The following ST3GAL6 variants were observed in gnomAD, a reference collection of about 807,000 sequenced individuals.
ST3GAL6 encodes the protein ST3 beta-galactoside alpha-2,3-sialyltransferase 6.
In ST3GAL6, 31 loss-of-function variants were observed where a neutral mutation model predicts 40.5. The ratio of observed to expected loss-of-function variants is 0.77; its 90% CI spans 0.58 to 1.03. The LOEUF is 1.03. Among genes scored for constraint, ST3GAL6 ranks in the 50% least tolerant of loss-of-function variants. The pLI is 0.00. For synonymous variants in ST3GAL6, 129 were observed against 136.9 expected, an observed-to-expected ratio of 0.94 and a Z score of 0.40; for missense variants, 357 against 393.2, an observed-to-expected ratio of 0.91 and a Z score of 0.78.
intron 1 of ST3GAL6, among the ~76,000 whole-genome samples, chr3:98,743,904 C>T (rs1285753398): frequency 6.7e-6 from 1 of 148,630 alleles, no homozygotes. Flanking sequence ...GCCCCCCTCC[C>T]CCCCCCGCTC....
chr3:98,741,051 A>AGT (rs35649214), intron 1 of ST3GAL6, among the ~76,000 whole-genome samples: 33,836 of 144,872 alleles, frequency 0.23, 4,343 homozygotes, highest in Non-Finnish European at 0.3. Context: ...AGAGGGATTC[A>AGT]GTGTGTGTGT....
At chr3:98,735,295 TC>T (rs1935439324) in intron 1 of ST3GAL6, among the ~76,000 whole-genome samples, 1 of 152,334 alleles carries the variant, frequency 6.6e-6, no homozygotes, top group East Asian at 1.9e-4. Context: ...CACAAATTCT[TC>T]CATTTCCTGT....
At chr3:98,790,054 T>G (rs1464291855) in intron 8 of ST3GAL6, among the ~76,000 whole-genome samples, 1 of 152,218 alleles carries the variant, frequency 6.6e-6, no homozygotes, top group African/African-American at 2.4e-5. Context: ...AAAAGCCTGC[T>G]TGAATTGGGT....
At chr3:98,765,151 C>G (rs1404377500) in intron 1 of ST3GAL6, among the ~76,000 whole-genome samples, 2 of 152,128 alleles carry the variant, frequency 1.3e-5, no homozygotes, top group Non-Finnish European at 2.9e-5. Context: ...TGAGCCTGCC[C>G]TAGAGTCACC....
In ST3GAL6 at chr3:98,768,507, T is replaced by A; in HGVS notation, c.67T>A (p.Leu23Ile). The A allele has an allele frequency of 6.2e-7, 1 of 1,612,458 alleles. No individual in the cohort carries two copies. The highest frequency in any genetic ancestry group is 8.5e-7 in the Non-Finnish European group (1 of 1,178,610). ...CCTCTATTATGTACTGCATTGCATA[T>A]TATGGGGAACGAATGTCTATTGGTA... ...VFLYYVLHCI[L>I]WGTNVYWVAP... is the part of the protein sequence containing the mutation. Residue 23 changes from leucine to isoleucine, a missense_variant, in exon 2 of 10, where the codon TTA becomes ATA. Leu to Ile is a conservative substitution (Grantham distance 5). Transcript: ENST00000483910.
At chr3:98,786,244 A>G (rs144218099) in intron 6 of ST3GAL6, among the ~76,000 whole-genome samples, 69 of 152,184 alleles carry the variant, frequency 4.5e-4, no homozygotes, top group African/African-American at 1.7e-3. Flanking sequence ...GAGAGAAGAG[A>G]GTGAGGACTG....
At chr3:98,741,824 A>G (rs980435208) in intron 1 of ST3GAL6, among the ~76,000 whole-genome samples, 21 of 152,200 alleles carry the variant, frequency 1.4e-4, no homozygotes, top group African/African-American at 5.1e-4. Context: ...AGTTAAGTTA[A>G]TATATAATTG....
At position 98,788,172 on chromosome 3, in the gene ST3GAL6, A is replaced by C; in HGVS notation, c.568A>C (p.Lys190Gln). Residue 190 changes from lysine (K) to glutamine (Q), a missense_variant, in exon 7 of 10, where the codon AAG (lysine) becomes CAG (glutamine). Transcript: ENST00000483910. ...TACGACAGTGATTCTCACTGCTTTT[A>C]AGCCACATGATTTAAGGTGGCTGTT... ...PNTTVILTAF[K>Q]PHDLRWLLEL... 6.2e-7 allele frequency: 1 copy of C among 1,613,670 alleles called. No individual in the cohort carries two copies. Among genetic ancestry groups the C allele is most frequent in the South Asian group, 1.1e-5 (1 of 90,920 alleles).
chr3:98,791,857 C>A lies in ST3GAL6; in HGVS notation c.773C>A (p.Thr258Lys). 1.2e-6 allele frequency: 2 copies of A among 1,612,334 alleles called. No homozygotes were observed. The highest frequency in any genetic ancestry group is 1.7e-6 in the Non-Finnish European group (2 of 1,179,166). ...FPKNQKPKHP[T>K]TGIIAITLAF... ...CTCCCCCAGAAACCTAAACACCCAA[C>A]AACAGGAATTATTGCCATCACATTG... The change falls in exon 9 of 10, where the codon ACA becomes AAA. Residue 258 changes from threonine (T) to lysine (K), a missense_variant. Transcript: ENST00000483910.
upstream of ST3GAL6, among the ~76,000 whole-genome samples, chr3:98,762,306 T>C (rs1248715962): frequency 6.6e-6 from 1 of 152,248 alleles, no homozygotes; most frequent in Non-Finnish European, 1.5e-5. Flanking sequence ...TCTAATTTGT[T>C]GACACTACAC....
intron 8 of ST3GAL6, 119 bp from the exon 9 acceptor site, chr3:98,791,721 TA>T (rs1941222036): frequency 1.1e-6 from 1 of 899,332 alleles, no homozygotes; most frequent in South Asian, 1.7e-5. Flanking sequence ...AGAGTTTAGT[TA>T]TTTCTCTCCT....
At chr3:98,790,582 T>TA (rs1941112272) in intron 8 of ST3GAL6, among the ~76,000 whole-genome samples, 1 of 152,226 alleles carries the variant, frequency 6.6e-6, no homozygotes, top group Non-Finnish European at 1.5e-5. Context: ...AGGCAATACT[T>TA]ACTGCCTGTT....
intron 5 of ST3GAL6, chr3:98,782,237 G>A (rs981723590): frequency 5.7e-6 from 4 of 703,028 alleles, no homozygotes; most frequent in Non-Finnish European, 1.0e-5. Context: ...TGAGGCTTCC[G>A]CCTGCTGGAC....
chr3:98,782,728 G>T lies in ST3GAL6; in HGVS notation c.336-2217G>T, dbSNP rs1350119823. On this transcript the variant is annotated intron_variant, in intron 5 of 9. Coordinates refer to ENST00000483910, the MANE Select transcript of ST3GAL6 (RefSeq NM_001323368.2). ...CCAGCAGGGAGGAGGCCAATGGCGT[G>T]TCCATAGATCATGTTCAGCCTCCAA... 5 of 486,256 alleles carry T rather than the reference G, an allele frequency of 1.0e-5. No homozygotes were observed. In the East Asian group the frequency reaches 2.3e-4, roughly 22 times the overall value. 30.1% of individuals were successfully genotyped at this position (486,256 alleles called of 1,614,324 possible). A position where few individuals can be genotyped will look rare whatever the true frequency, so the allele number is the denominator to read the frequency against.
At chr3:98,737,070 G>A (rs554483445) in intron 1 of ST3GAL6, among the ~76,000 whole-genome samples, 2 of 151,790 alleles carry the variant, frequency 1.3e-5, no homozygotes, top group Non-Finnish European at 2.9e-5. Context: ...TCTTTTTGAG[G>A]TGGAGTCTTG....
chr3:98,737,231 T>G (rs781542249), intron 1 of ST3GAL6, among the ~76,000 whole-genome samples: 116 of 152,214 alleles, frequency 7.6e-4, no homozygotes, highest in Admixed American at 2.5e-3. Context: ...GTATTTTTTT[T>G]GTAGAGATGG....
At chr3:98,778,570 T>G (rs753721358) in intron 5 of ST3GAL6, among the ~76,000 whole-genome samples, 54 of 152,254 alleles carry the variant, frequency 3.5e-4, no homozygotes, top group Non-Finnish European at 6.9e-4. Flanking sequence ...GCCTGCTTTC[T>G]AGCATCGGCT....
intron 1 of ST3GAL6, among the ~76,000 whole-genome samples, chr3:98,743,658 G>C (rs963771476): frequency 2.0e-5 from 3 of 152,194 alleles, no homozygotes; most frequent in African/African-American, 7.2e-5. Context: ...GCTGCCTCCA[G>C]ATGAAGAAAT....
In ST3GAL6 at chr3:98,793,921, A is replaced by G. The variant is rs1438022138; in HGVS notation, c.*160A>G. 4.9e-6 allele frequency: 2 copies of G among 410,138 alleles called. No individual in the cohort carries two copies. The highest frequency in any genetic ancestry group is 8.6e-6 in the Non-Finnish European group (2 of 232,018). 25.4% of individuals were successfully genotyped at this position (410,138 alleles called of 1,614,324 possible). On this transcript the variant is annotated 3_prime_UTR_variant, in exon 10 of 10. Coordinates refer to ENST00000483910, the MANE Select transcript of ST3GAL6 (RefSeq NM_001323368.2). Reference sequence around the variant, plus strand: ...CCAGCTTAATTTCTGTGAATACTGTATATTTAACTTATGAAAACCAAGAAA... The same window carrying G: ...CCAGCTTAATTTCTGTGAATACTGTGTATTTAACTTATGAAAACCAAGAAA...
Sources: allele counts gnomAD v4.1 joint callset (sites outside exome capture counted in the v4.1 genomes callset), GRCh38; gene constraint gnomAD v4.1.1; transcripts MANE v1.5; gene names NCBI Gene and HGNC (gene_info 2026-07-23, HGNC 2026-07-21).